MEMO1: variants seen among roughly 807,000 people sequenced by gnomAD.
MEMO1 encodes the protein mediator of cell motility 1.
Under a neutral mutation model 45.2 loss-of-function variants are expected in MEMO1, and 6 were observed. That is an observed-to-expected ratio of 0.13 (90% CI 0.07 to 0.26). The LOEUF is 0.26. MEMO1 is among the 10% of genes least tolerant of loss of function. The pLI, the probability that MEMO1 is intolerant of heterozygous loss-of-function variation, is 1.00. For missense variants in MEMO1, 184 were observed against 370.5 expected, an observed-to-expected ratio of 0.50 and a Z score of 4.13; for synonymous variants, 78 against 124.3, an observed-to-expected ratio of 0.63 and a Z score of 2.48.
At chr2:31,988,961 C>CT (rs1671609239) in intron 2 of MEMO1, among the ~76,000 whole-genome samples, 1 of 151,934 alleles carries the variant, frequency 6.6e-6, no homozygotes, top group South Asian at 2.1e-4. Context: ...AATCCCAGCA[C>CT]TTTGAGAGGC....
At chr2:31,931,943 CAA>C in intron 4 of MEMO1, 122 bp downstream of exon 4, 1 of 756,914 alleles carries the variant, frequency 1.3e-6, no homozygotes, top group South Asian at 2.1e-5. Context: ...TAAAATTCAT[CAA>C]AAGTCAAATC....
At chr2:32,004,248 G>A (rs766461551) in intron 2 of MEMO1, among the ~76,000 whole-genome samples, 17 of 151,414 alleles carry the variant, frequency 1.1e-4, no homozygotes, top group Non-Finnish European at 1.9e-4. Flanking sequence ...TTCTAAAAGG[G>A]CAGAAGATAG....
At chr2:31,921,981 C>T (rs1380532356) in intron 4 of MEMO1, among the ~76,000 whole-genome samples, 1 of 152,140 alleles carries the variant, frequency 6.6e-6, no homozygotes, top group Admixed American at 6.5e-5. Flanking sequence ...CCCAAACCTG[C>T]CCTACAATCT....
intron 6 of MEMO1, among the ~76,000 whole-genome samples, chr2:31,907,491 T>A (rs1211983772): frequency 6.6e-6 from 1 of 152,052 alleles, no homozygotes; most frequent in Non-Finnish European, 1.5e-5. Flanking sequence ...ACAACCCAAT[T>A]TTTATAAAAC....
At chr2:31,955,755 T>G (rs1227669440) in intron 2 of MEMO1, among the ~76,000 whole-genome samples, 1 of 152,066 alleles carries the variant, frequency 6.6e-6, no homozygotes, top group African/African-American at 2.4e-5. Flanking sequence ...ATTATAGGCA[T>G]GCACCACTAG....
chr2:31,896,441 T>C (rs929300911), intron 6 of MEMO1, among the ~76,000 whole-genome samples: 1 of 152,128 alleles, frequency 6.6e-6, no homozygotes, highest in Non-Finnish European at 1.5e-5. Flanking sequence ...ACAGTTCAGG[T>C]AGAGAAAAAG....
chr2:31,991,229 T>C (rs1321983960), intron 2 of MEMO1, among the ~76,000 whole-genome samples: 1 of 152,084 alleles, frequency 6.6e-6, no homozygotes, highest in Non-Finnish European at 1.5e-5. Context: ...GAACATGGAA[T>C]ACACAAGGAC....
intron 2 of MEMO1, among the ~76,000 whole-genome samples, chr2:31,993,978 T>TTTTTTTG (rs1672261704): frequency 3.0e-5 from 4 of 133,768 alleles, no homozygotes; most frequent in African/African-American, 1.1e-4. Context: ...TTTTTTTTTT[T>TTTTTTTG]GAGACAGAGT....
chr2:31,904,009 G>C (rs896343003), intron 6 of MEMO1, among the ~76,000 whole-genome samples: 1 of 152,082 alleles, frequency 6.6e-6, no homozygotes. Context: ...CAATCAGAAA[G>C]GAAAGTAAAA....
chr2:31,955,950 CT>C (rs1667369038), intron 2 of MEMO1, among the ~76,000 whole-genome samples: 1 of 152,096 alleles, frequency 6.6e-6, no homozygotes, highest in African/African-American at 2.4e-5. Flanking sequence ...CTCCATGCTC[CT>C]ATTTCCAATT....
chr2:31,988,131 T>C (rs1671495568), intron 2 of MEMO1, among the ~76,000 whole-genome samples: 1 of 152,148 alleles, frequency 6.6e-6, no homozygotes, highest in East Asian at 1.9e-4. Flanking sequence ...GAAGTAAGGA[T>C]TTCTACATAC....
chr2:31,948,489 T>C (rs1348035920), intron 2 of MEMO1, among the ~76,000 whole-genome samples: 1 of 152,238 alleles, frequency 6.6e-6, no homozygotes, highest in Non-Finnish European at 1.5e-5. Context: ...CTGTGAAATA[T>C]GTTCAAATCA....
At chr2:31,933,353 ATAT>A (rs1558514399) in intron 3 of MEMO1, among the ~76,000 whole-genome samples, 1,429 of 16,416 alleles carry the variant, frequency 0.087, 97 homozygotes, top group Non-Finnish European at 0.1. Context: ...AAAAAAATTT[ATAT>A]ATATATATAT....
At chr2:31,962,016 T>TAAA (rs35956056) in intron 2 of MEMO1, among the ~76,000 whole-genome samples, 2 of 147,080 alleles carry the variant, frequency 1.4e-5, no homozygotes, top group African/African-American at 5.0e-5. Context: ...TCCTTTTCTG[T>TAAA]AAAAAAAAAA....
chr2:31,988,044 A>G (rs529553866), intron 2 of MEMO1, among the ~76,000 whole-genome samples: 61 of 152,268 alleles, frequency 4.0e-4, no homozygotes, highest in Non-Finnish European at 2.5e-4. Context: ...GTATGTACAG[A>G]GAGATTAAGA....
Position 31,892,152 on chromosome 2 carries a change from A to G in MEMO1, c.438-18T>C, listed in dbSNP as rs745592396. 6.4e-7 allele frequency: 1 copy of G among 1,564,544 alleles called. No individual in the cohort carries two copies. The highest frequency in any genetic ancestry group is 8.6e-7 in the Non-Finnish European group (1 of 1,160,246). On this transcript the variant is annotated intron_variant, in intron 6 of 9. Coordinates refer to ENST00000404530, the MANE Select transcript of MEMO1 (RefSeq NM_001301833.4). Reference sequence around the variant, plus strand: ...CCTTATGGCTTAAAGAAAACAGAAAAAAAAAAAATGTCATTTAAGATGCTT... The same window carrying G: ...CCTTATGGCTTAAAGAAAACAGAAAGAAAAAAAATGTCATTTAAGATGCTT...
At chr2:31,920,756 A>G in intron 5 of MEMO1, 42 bp downstream of exon 5, 1 of 1,155,252 alleles carries the variant, frequency 8.7e-7, no homozygotes, top group Non-Finnish European at 1.2e-6. Flanking sequence ...CTGTTAAAAG[A>G]ACATTAGCTA....
At chr2:31,985,867 A>T (rs1297972138) in intron 2 of MEMO1, among the ~76,000 whole-genome samples, 1 of 152,158 alleles carries the variant, frequency 6.6e-6, no homozygotes, top group South Asian at 2.1e-4. Context: ...AGTGGTTCAG[A>T]CCTGTAATCC....
At chr2:31,989,092 G>A (rs1164856203) in intron 2 of MEMO1, among the ~76,000 whole-genome samples, 1 of 152,116 alleles carries the variant, frequency 6.6e-6, no homozygotes, top group African/African-American at 2.4e-5. Flanking sequence ...TGGAATCCCA[G>A]CTACTCAGGA....
Sources: gnomAD v4.1 joint callset for allele counts (sites outside exome capture counted in the v4.1 genomes callset) on GRCh38, gnomAD v4.1.1 for gene constraint, MANE v1.5 for transcripts, NCBI Gene and HGNC (gene_info 2026-07-23, HGNC 2026-07-21) for gene names.